The following AFG1L variants were observed in gnomAD, a reference collection of about 807,000 sequenced individuals.
The protein encoded by AFG1L is AFG1-like ATPase.
In AFG1L, 53 loss-of-function variants were observed where a neutral mutation model predicts 62.2. That is an observed-to-expected ratio of 0.85 (90% CI 0.68 to 1.07). AFG1L has a LOEUF of 1.07. AFG1L is among the 50% of genes least tolerant of loss of function. The pLI is 0.00. For synonymous variants in AFG1L, 228 were observed against 210.3 expected, an observed-to-expected ratio of 1.08 and a Z score of -0.73; for missense variants, 555 against 590.5, an observed-to-expected ratio of 0.94 and a Z score of 0.62.
intron 4 of AFG1L, 149 bp from the exon 5 acceptor site, chr6:108,356,541 C>T: frequency 5.8e-6 from 3 of 519,770 alleles, no homozygotes; most frequent in South Asian, 8.7e-5. Context: ...AAAATGCAAA[C>T]AATTTCAATG....
intron 5 of AFG1L, among the ~76,000 whole-genome samples, chr6:108,361,382 G>C (rs1779522116): frequency 6.6e-6 from 1 of 152,210 alleles, no homozygotes; most frequent in Non-Finnish European, 1.5e-5. Context: ...GGCAGGGAGG[G>C]AGCAATGAGT....
chr6:108,310,490 C>T (rs547544537), intron 1 of AFG1L, among the ~76,000 whole-genome samples: 18 of 150,304 alleles, frequency 1.2e-4, no homozygotes, highest in South Asian at 2.1e-4. Context: ...TGTAAAAGTT[C>T]TTTATATATT....
chr6:108,441,712 A>AATATATATATATATAT (rs1554198358), intron 7 of AFG1L, among the ~76,000 whole-genome samples: 13 of 139,484 alleles, frequency 9.3e-5, no homozygotes, highest in African/African-American at 2.3e-4. Flanking sequence ...AAAAAAAAAA[A>AATATATATATATATAT]ATATATATAT....
rs756458992 is a variant in AFG1L at position 108,522,401 on chromosome 6, T to C, written c.1422T>C (p.Asn474=). The C allele has an allele frequency of 2.5e-6, 4 of 1,611,046 alleles. No homozygotes were observed. Among genetic ancestry groups the C allele is most frequent in the Admixed American group, 1.7e-5 (1 of 59,928 alleles). Residue 474 remains asparagine, a synonymous_variant, in exon 13 of 13, where the codon AAT becomes AAC. Transcript: ENST00000368977. ...LTEMQTEQYW[N]EGDRTKK ...AAATGCAGACTGAACAGTACTGGAA[T>C]GAAGGAGACAGAACCAAGAAGTAAC...
chr6:108,342,260 C>T (rs916377785), intron 2 of AFG1L, among the ~76,000 whole-genome samples: 1 of 152,110 alleles, frequency 6.6e-6, no homozygotes, highest in Non-Finnish European at 1.5e-5. Flanking sequence ...AAAGGGCAGT[C>T]GCTTGGGGTA....
intron 6 of AFG1L, among the ~76,000 whole-genome samples, chr6:108,389,733 C>G (rs1479258359): frequency 6.6e-6 from 1 of 152,190 alleles, no homozygotes; most frequent in Admixed American, 6.5e-5. Flanking sequence ...TGTAGAATTT[C>G]TGCCGAGAGA....
At chr6:108,440,877 C>G (rs1241397863) in intron 7 of AFG1L, among the ~76,000 whole-genome samples, 1 of 151,642 alleles carries the variant, frequency 6.6e-6, no homozygotes, top group East Asian at 1.9e-4. Flanking sequence ...TTGTTGTTTA[C>G]TCATTAAAAA....
At chr6:108,337,620 TG>T (rs1267467240) in intron 2 of AFG1L, among the ~76,000 whole-genome samples, 1 of 152,186 alleles carries the variant, frequency 6.6e-6, no homozygotes, top group Non-Finnish European at 1.5e-5. Context: ...AAATATCTCG[TG>T]TTCAGAAATG....
At chr6:108,456,750 T>A (rs1423164091) in intron 8 of AFG1L, among the ~76,000 whole-genome samples, 1 of 152,190 alleles carries the variant, frequency 6.6e-6, no homozygotes, top group African/African-American at 2.4e-5. Context: ...ATGCACCGCA[T>A]AGTAATATTT....
intron 10 of AFG1L, among the ~76,000 whole-genome samples, chr6:108,480,798 T>C (rs966841232): frequency 4.6e-5 from 7 of 152,080 alleles, no homozygotes; most frequent in African/African-American, 1.7e-4. Flanking sequence ...TCTCAATAAA[T>C]AAATAAATAA....
chr6:108,476,335 C>G (rs1773103380), intron 8 of AFG1L, among the ~76,000 whole-genome samples: 1 of 152,178 alleles, frequency 6.6e-6, no homozygotes, highest in African/African-American at 2.4e-5. Context: ...TGTCCTTATA[C>G]TAGAAGTCTG....
intron 10 of AFG1L, among the ~76,000 whole-genome samples, chr6:108,483,370 A>G (rs1214389605): frequency 6.6e-6 from 1 of 152,218 alleles, no homozygotes; most frequent in Non-Finnish European, 1.5e-5. Context: ...TAACCCATAT[A>G]AGCAAACATT....
intron 1 of AFG1L, among the ~76,000 whole-genome samples, chr6:108,302,002 A>G (rs576691181): frequency 1.3e-5 from 2 of 151,614 alleles, no homozygotes; most frequent in Non-Finnish European, 2.9e-5. Context: ...CTGGAGTGCA[A>G]TTGGCATGAT....
chr6:108,338,078 TG>T lies in AFG1L; in HGVS notation c.364-8907del, dbSNP rs200556680. ...GTGGGCACCTGTGGTCCCAGTTACT[TG>T]GGAGGCTAGGGTGGGAGGATCTCTT... On this transcript the variant is annotated intron_variant, in intron 2 of 12. Transcript: ENST00000368977. Among the ~76,000 whole-genome samples the T allele has an allele frequency of 9.4e-3, 1,435 of 152,180 alleles. 11 individuals are homozygous for T. Among genetic ancestry groups the T allele is most frequent in the Non-Finnish European group, 0.016 (1,056 of 68,006 alleles).
At chr6:108,384,428 G>T (rs1192058183) in intron 6 of AFG1L, among the ~76,000 whole-genome samples, 1 of 152,198 alleles carries the variant, frequency 6.6e-6, no homozygotes, top group African/African-American at 2.4e-5. Context: ...TGAGATTTGA[G>T]TTGCTGCCCA....
chr6:108,455,356 A>G lies in AFG1L; in HGVS notation c.890+8060A>G, dbSNP rs568808534. Among the ~76,000 whole-genome samples, 4 of 152,298 alleles carry G rather than the reference A, an allele frequency of 2.6e-5. No homozygotes were observed. The East Asian group carries it at 7.7e-4, about 29-fold the overall frequency. On this transcript the variant is annotated intron_variant, in intron 8 of 12. Transcript: ENST00000368977. ...TTTATGTGTAAAATTTTTCATAATC[A>G]AAAGATTTTTAAAAAGATAGCCTTC...
intron 7 of AFG1L, among the ~76,000 whole-genome samples, chr6:108,422,247 C>T (rs777876381): frequency 1.3e-5 from 2 of 151,532 alleles, no homozygotes; most frequent in Non-Finnish European, 2.9e-5. Context: ...TTAATTTGTC[C>T]GATATCCACT....
chr6:108,418,509 G>C (rs1374294117), intron 7 of AFG1L, among the ~76,000 whole-genome samples: 1 of 152,058 alleles, frequency 6.6e-6, no homozygotes, highest in African/African-American at 2.4e-5. Flanking sequence ...TATGAAGTAT[G>C]ACTTGTTTTA....
At chr6:108,361,423 G>A (rs143305567) in intron 5 of AFG1L, among the ~76,000 whole-genome samples, 24 of 152,364 alleles carry the variant, frequency 1.6e-4, no homozygotes, top group Non-Finnish European at 3.4e-4. Context: ...TCTGGTCACA[G>A]GAAGCAGTAA....
Sources: gnomAD v4.1 joint callset for allele counts (sites outside exome capture counted in the v4.1 genomes callset) on GRCh38, gnomAD v4.1.1 for gene constraint, MANE v1.5 for transcripts, NCBI Gene and HGNC (gene_info 2026-07-23, HGNC 2026-07-21) for gene names.